CBLB: variants seen among roughly 807,000 people sequenced by gnomAD.
The protein encoded by CBLB is Cbl proto-oncogene B.
Under a neutral mutation model 104.9 loss-of-function variants are expected in CBLB, and 31 were observed. The ratio of observed to expected loss-of-function variants is 0.30; its 90% CI spans 0.22 to 0.40. The LOEUF (loss-of-function observed/expected upper bound fraction) is 0.40. Among genes scored for constraint, CBLB ranks in the 10% least tolerant of loss-of-function variants. The pLI, the probability that CBLB is intolerant of heterozygous loss-of-function variation, is 1.00. For synonymous variants in CBLB, 440 were observed against 422.6 expected, an observed-to-expected ratio of 1.04 and a Z score of -0.51; for missense variants, 1,062 against 1,214.6, an observed-to-expected ratio of 0.87 and a Z score of 1.87.
rs2066316282 is a variant in CBLB at position 105,681,539 on chromosome 3, T to G, written c.2368A>C (p.Lys790Gln). Reference sequence around the variant, plus strand: ...GTCCTGTTGAGTGAAGAACCATGCTTTGGATTGTCCCGAGTTGGAGGCCTG... The same window carrying G: ...GTCCTGTTGAGTGAAGAACCATGCTGTGGATTGTCCCGAGTTGGAGGCCTG... ...PARPPTRDNP[K>Q]HGSSLNRTPS... Residue 790 changes from lysine to glutamine, a missense_variant, in exon 16 of 19, where the codon AAG becomes CAG. Physicochemically the swap from Lys to Gln is moderately conservative, Grantham distance 53. Coordinates refer to ENST00000394030, the MANE Select transcript of CBLB (RefSeq NM_170662.5). The G allele has an allele frequency of 1.9e-6, 3 of 1,614,046 alleles. No individual in the cohort carries two copies. Among genetic ancestry groups the G allele is most frequent in the Non-Finnish European group, 2.5e-6 (3 of 1,179,952 alleles).
At chr3:105,751,437 A>G (rs769558554) in intron 5 of CBLB, 25 bp downstream of exon 5, 1 of 1,557,178 alleles carries the variant, frequency 6.4e-7, no homozygotes, top group East Asian at 2.3e-5. Context: ...AAGGGAATGG[A>G]TAGACTAAGC....
chr3:105,679,154 T>G (rs1483777108), intron 16 of CBLB, among the ~76,000 whole-genome samples: 5 of 152,064 alleles, frequency 3.3e-5, no homozygotes, highest in Admixed American at 3.3e-4. Context: ...ATTTTTCAAT[T>G]TGTCAGATTT....
At chr3:105,722,569 A>ATT (rs1381671859) in intron 9 of CBLB, among the ~76,000 whole-genome samples, 20 of 124 alleles carry the variant, frequency 0.16, no homozygotes, top group African/African-American at 0.26. Flanking sequence ...TAAAGACCTA[A>ATT]TCGTAACTAA....
chr3:105,808,440 T>C (rs956757394), intron 3 of CBLB, among the ~76,000 whole-genome samples: 1 of 152,184 alleles, frequency 6.6e-6, no homozygotes, highest in African/African-American at 2.4e-5. Context: ...TGAAATTCCA[T>C]CAGGACAAGA....
intron 9 of CBLB, among the ~76,000 whole-genome samples, chr3:105,733,225 C>T (rs781255017): frequency 1.3e-5 from 2 of 151,938 alleles, no homozygotes; most frequent in Non-Finnish European, 2.9e-5. Context: ...GGCACGGTGG[C>T]GGGCACCTGT....
chr3:105,736,193 G>C (rs1007209640), intron 8 of CBLB, among the ~76,000 whole-genome samples: 1 of 151,956 alleles, frequency 6.6e-6, no homozygotes. Context: ...TTTAAAACTA[G>C]ACTGAATATA....
chr3:105,758,705 CCAGGCACCAGCA>C (rs1488624651), intron 4 of CBLB, among the ~76,000 whole-genome samples: 6 of 152,250 alleles, frequency 3.9e-5, no homozygotes, highest in Admixed American at 3.9e-4. Flanking sequence ...GCGGGCAGCT[CCAGGCACCAGCA>C]CAGGCACCGG....
At chr3:105,848,708 C>T (rs2090587016) in intron 3 of CBLB, among the ~76,000 whole-genome samples, 1 of 152,082 alleles carries the variant, frequency 6.6e-6, no homozygotes, top group Admixed American at 6.6e-5. Flanking sequence ...TGAAGTAATA[C>T]TGATTAAGTC....
chr3:105,792,554 A>T (rs779363408), intron 3 of CBLB, among the ~76,000 whole-genome samples: 2 of 152,202 alleles, frequency 1.3e-5, no homozygotes, highest in Admixed American at 6.5e-5. Context: ...ATTTGTAAAT[A>T]TCAACATCAG....
At chr3:105,750,092 C>T (rs1247675814) in intron 5 of CBLB, among the ~76,000 whole-genome samples, 2 of 151,392 alleles carry the variant, frequency 1.3e-5, no homozygotes, top group African/African-American at 4.9e-5. Context: ...GATATCAGCT[C>T]ACTGCAAGCT....
intron 3 of CBLB, among the ~76,000 whole-genome samples, chr3:105,820,427 AG>A (rs1244968891): frequency 6.6e-6 from 1 of 152,206 alleles, no homozygotes; most frequent in Non-Finnish European, 1.5e-5. Context: ...TTAAAATAGT[AG>A]AAGCAAGGTT....
chr3:105,829,696 A>C (rs1040251168), intron 3 of CBLB, among the ~76,000 whole-genome samples: 30 of 96,480 alleles, frequency 3.1e-4, no homozygotes, highest in African/African-American at 1.1e-3. Flanking sequence ...AAAAAAAAAA[A>C]AAAAACCAAA....
Position 105,655,823 on chromosome 3 carries a change from T to C in CBLB, c.*3147A>G, listed in dbSNP as rs578230442. 9.2e-6 allele frequency: 2 copies of C among 216,618 alleles called. No homozygotes were observed. Among genetic ancestry groups the C allele is most frequent in the South Asian group, 1.9e-4 (1 of 5,388 alleles). 13.4% of individuals were successfully genotyped at this position (216,618 alleles called of 1,614,324 possible). ...ATTCAGTGCAAATCAAAGCTTCAAG[T>C]TGAAAATCTGAGAGAAAAAATAACG... On this transcript the variant is annotated 3_prime_UTR_variant, in exon 19 of 19. Transcript: ENST00000394030.
intron 2 of CBLB, among the ~76,000 whole-genome samples, chr3:105,855,529 T>A (rs1255311458): frequency 6.6e-6 from 1 of 152,226 alleles, no homozygotes; most frequent in East Asian, 1.9e-4. Flanking sequence ...ATAAATACAA[T>A]ATTTTTTAAA....
At chr3:105,825,011 T>C (rs1421948898) in intron 3 of CBLB, among the ~76,000 whole-genome samples, 1 of 152,172 alleles carries the variant, frequency 6.6e-6, no homozygotes, top group Non-Finnish European at 1.5e-5. Context: ...TATCCTAGAT[T>C]ATTCCTCTTT....
intron 4 of CBLB, among the ~76,000 whole-genome samples, chr3:105,755,277 TGG>T (rs1357881912): frequency 6.6e-6 from 1 of 151,742 alleles, no homozygotes; most frequent in Non-Finnish European, 1.5e-5. Context: ...GAATATGCGG[TGG>T]AAAAACAGTA....
At chr3:105,766,769 A>G (rs986686366) in intron 4 of CBLB, among the ~76,000 whole-genome samples, 2 of 152,234 alleles carry the variant, frequency 1.3e-5, no homozygotes, top group Non-Finnish European at 2.9e-5. Context: ...CTTTATTGCA[A>G]TATGCACTTC....
At chr3:105,758,910 A>T (rs2077334248) in intron 4 of CBLB, among the ~76,000 whole-genome samples, 1 of 152,244 alleles carries the variant, frequency 6.6e-6, no homozygotes, top group Non-Finnish European at 1.5e-5. Context: ...CCAAAGGGCC[A>T]CAGCTCTTCT....
chr3:105,771,973 C>T (rs934018790), intron 4 of CBLB, among the ~76,000 whole-genome samples: 1 of 152,012 alleles, frequency 6.6e-6, no homozygotes, highest in African/African-American at 2.4e-5. Context: ...AGACTCCATG[C>T]AATTCCCATC....
Sources: allele counts gnomAD v4.1 joint callset (sites outside exome capture counted in the v4.1 genomes callset), GRCh38; gene constraint gnomAD v4.1.1; transcripts MANE v1.5; gene names NCBI Gene and HGNC (gene_info 2026-07-23, HGNC 2026-07-21).